The following PARD3B variants were observed in gnomAD, a reference collection of about 807,000 sequenced individuals.
PARD3B encodes the protein par-3 family cell polarity regulator beta.
In PARD3B, 103 loss-of-function variants were observed where a neutral mutation model predicts 130.2. That is an observed-to-expected ratio of 0.79 (90% CI 0.67 to 0.93). The LOEUF is 0.93. PARD3B is among the 40% of genes least tolerant of loss of function. The pLI, the probability that PARD3B is intolerant of heterozygous loss-of-function variation, is 0.00. For synonymous variants in PARD3B, 583 were observed against 553.2 expected (o/e 1.05, Z -0.76); for missense variants, 1,609 against 1,499.2 (o/e 1.07, Z -1.21).
intron 2 of PARD3B, among the ~76,000 whole-genome samples, chr2:204,936,829 C>A (rs1169668010): frequency 6.6e-6 from 1 of 152,112 alleles, no homozygotes; most frequent in Non-Finnish European, 1.5e-5. Context: ...TTTAAAACTG[C>A]CATATGGGCA....
chr2:205,542,841 GTTTA>G (rs1447236183), intron 21 of PARD3B, among the ~76,000 whole-genome samples: 3 of 152,076 alleles, frequency 2.0e-5, no homozygotes, highest in Non-Finnish European at 2.9e-5. Context: ...ACTATTTATA[GTTTA>G]TTTTTTATTT....
chr2:205,197,032 G>GGGGGTGTGT (rs1553636919), intron 15 of PARD3B, among the ~76,000 whole-genome samples: 4 of 55,240 alleles, frequency 7.2e-5, no homozygotes, highest in African/African-American at 1.2e-4. Flanking sequence ...GTGGGGGGGG[G>GGGGGTGTGT]GTGTGTGTGT....
intron 15 of PARD3B, among the ~76,000 whole-genome samples, chr2:205,194,732 A>G (rs1428595909): frequency 6.6e-6 from 1 of 152,090 alleles, no homozygotes; most frequent in Non-Finnish European, 1.5e-5. Context: ...AAAAAATAAA[A>G]CCAAAGACAT....
Position 205,116,620 on chromosome 2 carries a change from T to A in PARD3B, c.681-2301T>A, listed in dbSNP as rs1427824287. On this transcript the variant is annotated intron_variant, in intron 6 of 22. Coordinates refer to ENST00000406610, the MANE Select transcript of PARD3B (RefSeq NM_001302769.2). The surrounding 1 kb of genome is among the most constrained non-coding windows in gnomAD (Gnocchi z 4.5). ...GAGTCTTGGTCCCAAATGAGACAGC[T>A]ACCACAGCCCACCAGTTCAGGGCAA... is the stretch of plus-strand genomic sequence containing the variant. Among the ~76,000 whole-genome samples, 1 of 152,166 alleles carries A rather than the reference T, an allele frequency of 6.6e-6. No individual in the cohort carries two copies. Among genetic ancestry groups the A allele is most frequent in the East Asian group, 1.9e-4 (1 of 5,190 alleles).
In PARD3B at chr2:204,992,384, T is replaced by G. The variant is rs1479220498; in HGVS notation, c.394+27061T>G. Among the ~76,000 whole-genome samples, 4 of 112,562 alleles carry G rather than the reference T, an allele frequency of 3.6e-5. No individual in the cohort carries two copies. In the South Asian group the frequency reaches 1.4e-3, roughly 40 times the overall value. The allele number at this position is 112,562 out of a possible 152,430, so 73.8% of individuals were successfully genotyped here. A position where few individuals can be genotyped will look rare whatever the true frequency, so the allele number is the denominator to read the frequency against. ...CTCAGGTTTGTCAAAGATCAGATAG[T>G]TGTAGGTACGTGGCGTTATTTCTGA... On this transcript the variant is annotated intron_variant, in intron 3 of 22. Transcript: ENST00000406610.
chr2:205,469,633 G>A (rs1366144733), intron 20 of PARD3B, among the ~76,000 whole-genome samples: 1 of 152,106 alleles, frequency 6.6e-6, no homozygotes, highest in African/African-American at 2.4e-5. Flanking sequence ...AAGAGGAAAG[G>A]CTCTACTTGG....
At position 204,947,278 on chromosome 2, in the gene PARD3B, AT is replaced by A. The variant is rs139097177; in HGVS notation, c.223-17871del. Among the ~76,000 whole-genome samples the A allele has an allele frequency of 7.4e-3, 1,130 of 152,274 alleles. 17 individuals are homozygous for A. The highest frequency in any genetic ancestry group is 0.026 in the African/African-American group (1,077 of 41,544). ...TCATTTATTTTACAAATGATAATGA[AT>A]TTACAGTCTTTTTGAGAATTTCAGA... On this transcript the variant is annotated intron_variant, in intron 2 of 22. Transcript: ENST00000406610.
At chr2:205,527,595 G>A (rs940676556) in intron 21 of PARD3B, among the ~76,000 whole-genome samples, 7 of 152,236 alleles carry the variant, frequency 4.6e-5, no homozygotes, top group Admixed American at 4.6e-4. Context: ...AAACCTCCCA[G>A]AGGTCAACCA....
At chr2:204,837,849 T>C (rs990392822) in intron 2 of PARD3B, among the ~76,000 whole-genome samples, 1 of 152,172 alleles carries the variant, frequency 6.6e-6, no homozygotes, top group Non-Finnish European at 1.5e-5. Flanking sequence ...CTCTATGAGA[T>C]AACCCATCAC....
In PARD3B at chr2:205,558,678, C is replaced by T. The variant is rs367683781; in HGVS notation, c.3260+5275C>T. On this transcript the variant is annotated intron_variant, in intron 22 of 22. Transcript: ENST00000406610. The surrounding 1 kb of genome is among the most constrained non-coding windows in gnomAD (Gnocchi z 4.8). ...TGCTCCACATGGATTCTCTCTGTGC[C>T]GTCTCCTCCATTCCTGCCAATTCAA... Among the ~76,000 whole-genome samples the T allele has an allele frequency of 8.5e-5, 13 of 152,220 alleles. No individual in the cohort carries two copies. The East Asian group carries it at 1.4e-3, about 16-fold the overall frequency.
chr2:205,358,512 TG>T (rs2044276942), intron 18 of PARD3B, among the ~76,000 whole-genome samples: 1 of 152,364 alleles, frequency 6.6e-6, no homozygotes, highest in East Asian at 1.9e-4. Context: ...CTTGAGTTTT[TG>T]TTCTCTCTTA....
chr2:205,451,930 T>C (rs1162770395), intron 20 of PARD3B, among the ~76,000 whole-genome samples: 1 of 152,204 alleles, frequency 6.6e-6, no homozygotes, highest in Non-Finnish European at 1.5e-5. Flanking sequence ...TTTCTAACTA[T>C]TTCTTTGTAC....
intron 18 of PARD3B, among the ~76,000 whole-genome samples, chr2:205,346,294 C>G (rs1300311635): frequency 6.6e-6 from 1 of 152,072 alleles, no homozygotes; most frequent in South Asian, 2.1e-4. Context: ...CATATTCCAT[C>G]TGACAATATG....
intron 2 of PARD3B, among the ~76,000 whole-genome samples, chr2:204,845,030 A>G (rs1364625874): frequency 6.6e-6 from 1 of 152,206 alleles, no homozygotes; most frequent in Non-Finnish European, 1.5e-5. Context: ...CAGAGTATAT[A>G]TCTTAAAAGA....
rs1408016682 is a variant in PARD3B, at chr2:205,321,021, C to T, written c.2630+19320C>T. On this transcript the variant is annotated intron_variant, in intron 18 of 22. Coordinates refer to ENST00000406610, the MANE Select transcript of PARD3B (RefSeq NM_001302769.2). The surrounding 1 kb of genome is among the most constrained non-coding windows in gnomAD (Gnocchi z 4.2). The stretch of plus-strand genomic sequence containing the variant: ...CTAGTGTAAAATTATTTTTTGTTCC[C>T]TTTCCATAGTTCTCCCTACCTTCTC... 1.3e-5 allele frequency among the ~76,000 whole-genome samples: 2 copies of T among 152,148 alleles called. No individual in the cohort carries two copies. The highest frequency in any genetic ancestry group is 1.5e-5 in the Non-Finnish European group (1 of 68,024).
At chr2:205,079,909 T>C (rs143346851) in intron 4 of PARD3B, among the ~76,000 whole-genome samples, 31 of 152,328 alleles carry the variant, frequency 2.0e-4, no homozygotes, top group African/African-American at 7.0e-4. Flanking sequence ...TCTGTACTCA[T>C]ACTTTACTAC....
At chr2:205,493,148 G>A (rs2049786096) in intron 20 of PARD3B, among the ~76,000 whole-genome samples, 1 of 152,040 alleles carries the variant, frequency 6.6e-6, no homozygotes. Context: ...TTATAGTTAT[G>A]TTATTGAGAG....
intron 2 of PARD3B, among the ~76,000 whole-genome samples, chr2:204,770,323 T>C (rs1028216514): frequency 2.3e-5 from 3 of 129,264 alleles, no homozygotes; most frequent in African/African-American, 6.0e-5. Flanking sequence ...TTGAGTGAGA[T>C]TCTTAATCCT....
intron 1 of PARD3B, among the ~76,000 whole-genome samples, chr2:204,651,678 A>AT (rs1574621809): frequency 6.6e-6 from 1 of 152,256 alleles, no homozygotes; most frequent in Non-Finnish European, 1.5e-5. Context: ...GGGACTGTGT[A>AT]TGGGGGCTCC....
Sources: gnomAD v4.1 joint callset for allele counts (sites outside exome capture counted in the v4.1 genomes callset) on GRCh38, gnomAD v4.1.1 for gene constraint, Gnocchi (gnomAD v3.1) non-coding constraint, MANE v1.5 for transcripts, NCBI Gene and HGNC (gene_info 2026-07-23, HGNC 2026-07-21) for gene names.